Variants in ZCCHC2 observed in about 807,000 individuals in gnomAD.
The protein encoded by ZCCHC2 is zinc finger CCHC domain-containing protein 2.
ZCCHC2 carries 39 observed loss-of-function variants against 103.6 expected under a neutral mutation model. The observed-to-expected ratio is 0.38, with a 90% CI of 0.29 to 0.49. The LOEUF (loss-of-function observed/expected upper bound fraction) is 0.49, where lower values mean the gene tolerates loss of function less well. Among genes scored for constraint, ZCCHC2 ranks in the 20% least tolerant of loss-of-function variants. The probability of loss-of-function intolerance (pLI) is 0.96; values close to 1 mark genes in which losing one functional copy is unlikely to be tolerated. For synonymous variants in ZCCHC2, 687 were observed against 608.9 expected (o/e 1.13, Z -1.89); for missense variants, 1,483 against 1,491.0 (o/e 0.99, Z 0.09).
At chr18:62,553,776 G>T (rs374828249) in intron 5 of ZCCHC2, among the ~76,000 whole-genome samples, 2 of 152,140 alleles carry the variant, frequency 1.3e-5, no homozygotes, top group African/African-American at 4.8e-5. Flanking sequence ...TCCGATTTCA[G>T]TTTGTGTTTG....
chr18:62,541,086 T>G (rs900204446), intron 2 of ZCCHC2, among the ~76,000 whole-genome samples: 2 of 152,256 alleles, frequency 1.3e-5, no homozygotes, highest in African/African-American at 2.4e-5. Context: ...AGAAGATTTT[T>G]GTTGAATGGC....
intron 3 of ZCCHC2, among the ~76,000 whole-genome samples, chr18:62,543,542 G>C (rs988890129): frequency 6.6e-6 from 1 of 152,032 alleles, no homozygotes; most frequent in Non-Finnish European, 1.5e-5. Flanking sequence ...GCTCAGTCAG[G>C]CTGGCCTCTT....
chr18:62,532,461 C>T (rs996320751), intron 1 of ZCCHC2, among the ~76,000 whole-genome samples: 1 of 152,198 alleles, frequency 6.6e-6, no homozygotes, highest in African/African-American at 2.4e-5. Context: ...CCAGATACAC[C>T]TTTCTAAAGC....
At chr18:62,570,550 T>C (rs1916556188) in intron 12 of ZCCHC2, among the ~76,000 whole-genome samples, 1 of 152,258 alleles carries the variant, frequency 6.6e-6, no homozygotes, top group African/African-American at 2.4e-5. Flanking sequence ...GTTTATGCTC[T>C]TTACGTCCTC....
At chr18:62,527,048 A>G (rs899551394) in intron 1 of ZCCHC2, 2 of 110,858 alleles carry the variant, frequency 1.8e-5, no homozygotes, top group African/African-American at 6.9e-5. Context: ...CCTTTTAGAC[A>G]CAAGTATGCA....
Position 62,523,376 on chromosome 18 carries a change from G to GGGGGGGGGGCCCC in ZCCHC2, c.-49_-48insGGGGGGGGGCCCC. ...GCCTCGGCCCGTGCTCCACCTCGCGGCCCCTCCCGCCCGCCCCCGCTCGCA... is the reference window on the plus strand; with the variant it reads ...GCCTCGGCCCGTGCTCCACCTCGCGGGGGGGGGGGCCCCCCCCTCCCGCCCGCCCCCGCTCGCA... On this transcript the variant is annotated 5_prime_UTR_variant, in exon 1 of 14. Coordinates refer to ENST00000269499, the MANE Select transcript of ZCCHC2 (RefSeq NM_017742.6). 10 of 1,012,352 alleles carry GGGGGGGGGGCCCC rather than the reference G, an allele frequency of 9.9e-6. No individual in the cohort carries two copies. Among genetic ancestry groups the GGGGGGGGGGCCCC allele is most frequent in the South Asian group, 3.7e-5 (1 of 27,158 alleles). 62.7% of individuals were successfully genotyped at this position (1,012,352 alleles called of 1,614,324 possible). A position where few individuals can be genotyped will look rare whatever the true frequency, so the allele number is the denominator to read the frequency against.
At chr18:62,545,589 C>T (rs1915376374) in intron 4 of ZCCHC2, among the ~76,000 whole-genome samples, 1 of 151,890 alleles carries the variant, frequency 6.6e-6, no homozygotes, top group African/African-American at 2.4e-5. Context: ...CTGATTTTAT[C>T]GAAAAGTGAA....
chr18:62,532,891 G>A (rs1039336405), intron 1 of ZCCHC2, among the ~76,000 whole-genome samples: 1 of 152,006 alleles, frequency 6.6e-6, no homozygotes, highest in Non-Finnish European at 1.5e-5. Context: ...ACAAAAATTA[G>A]CTGGGCGTAG....
chr18:62,546,331 G>A (rs887653530), intron 4 of ZCCHC2, among the ~76,000 whole-genome samples: 1 of 152,180 alleles, frequency 6.6e-6, no homozygotes, highest in African/African-American at 2.4e-5. Flanking sequence ...CCTGAATGAC[G>A]TTCTAATTAC....
intron 9 of ZCCHC2, 108 bp downstream of exon 9, chr18:62,563,252 TGAAG>T: frequency 7.5e-7 from 1 of 1,332,774 alleles, no homozygotes; most frequent in African/African-American, 1.5e-5. Flanking sequence ...TGGTAAGAAA[TGAAG>T]GAATGTTTAA....
At chr18:62,562,023 G>T (rs1342584330) in intron 8 of ZCCHC2, among the ~76,000 whole-genome samples, 1 of 152,020 alleles carries the variant, frequency 6.6e-6, no homozygotes, top group East Asian at 1.9e-4. Flanking sequence ...TTGAGATGGA[G>T]TCTCGCTCTG....
chr18:62,524,198 ACTG>A lies in ZCCHC2; in HGVS notation c.783_785del (p.Leu262del). 1 of 1,549,604 alleles carries A rather than the reference ACTG, an allele frequency of 6.5e-7. No individual in the cohort carries two copies. The highest frequency in any genetic ancestry group is 8.7e-7 in the Non-Finnish European group (1 of 1,146,558). On this transcript the variant is annotated inframe_deletion, in exon 1 of 14. Transcript: ENST00000269499. ...GGCTTGGCTCCAGGGCCCAGGAGGA[ACTG>A]CTGCTGCTCTTCACCATGGCCTCGC... is the stretch of plus-strand genomic sequence containing the variant.
chr18:62,556,383 CT>C, intron 6 of ZCCHC2, 86 bp downstream of exon 6: 1 of 1,103,416 alleles, frequency 9.1e-7, no homozygotes, highest in Non-Finnish European at 1.3e-6. Context: ...AGGTTTGTCA[CT>C]TTAGTTAAAG....
chr18:62,560,768 TC>T, intron 8 of ZCCHC2, 124 bp downstream of exon 8: 4 of 735,696 alleles, frequency 5.4e-6, no homozygotes, highest in Non-Finnish European at 8.5e-6. Flanking sequence ...TTTTATTTCT[TC>T]ACTTTTTCTG....
chr18:62,525,650 T>C (rs1024550927), intron 1 of ZCCHC2, among the ~76,000 whole-genome samples: 4 of 152,136 alleles, frequency 2.6e-5, no homozygotes, highest in Non-Finnish European at 4.4e-5. Flanking sequence ...CCTGAACCCC[T>C]TTTTTAAAAC....
intron 3 of ZCCHC2, 98 bp downstream of exon 3, chr18:62,542,672 T>C (rs1448667424): frequency 1.9e-6 from 2 of 1,028,528 alleles, no homozygotes; most frequent in Middle Eastern, 4.2e-4. Flanking sequence ...AAAAGGTATA[T>C]ATGTTTGTTT....
At chr18:62,538,440 T>C (rs1228581782) in intron 1 of ZCCHC2, among the ~76,000 whole-genome samples, 33 of 152,180 alleles carry the variant, frequency 2.2e-4, no homozygotes, top group Admixed American at 2.2e-3. Flanking sequence ...TTTACATTTT[T>C]TAATAAAATA....
Position 62,575,119 on chromosome 18 carries a change from G to A in ZCCHC2, c.3038G>A (p.Gly1013Asp), listed in dbSNP as rs1471638151. The change falls in exon 13 of 14, where the codon GGT becomes GAT. Residue 1013 changes from glycine to aspartate, a missense_variant. Around this residue, in one of 3 missense-constraint regions of ZCCHC2, gnomAD observed 884 missense variants for 907.5 expected, o/e 0.97. Coordinates refer to ENST00000269499, the MANE Select transcript of ZCCHC2 (RefSeq NM_017742.6). ...CAGCAGATGGGCTCAGGTCCTTGTG[G>A]TTCTTGTGGGCGAAGGTGCAGCTGT... ...PPQQMGSGPC[G>D]SCGRRCSCGT... 1 of 1,614,032 alleles carries A rather than the reference G, an allele frequency of 6.2e-7. No individual in the cohort carries two copies. The highest frequency in any genetic ancestry group is 1.1e-5 in the South Asian group (1 of 91,076).
downstream of ZCCHC2, among the ~76,000 whole-genome samples, chr18:62,580,226 G>T (rs971101606): frequency 1.3e-5 from 2 of 152,088 alleles, no homozygotes; most frequent in African/African-American, 4.8e-5. Flanking sequence ...TAGTCTCATT[G>T]TGGGGAAGAA....
Sources: allele counts gnomAD v4.1 joint callset (sites outside exome capture counted in the v4.1 genomes callset), GRCh38; gene constraint gnomAD v4.1.1; regional missense constraint gnomAD v4.1.1; transcripts MANE v1.5; gene names NCBI Gene and HGNC (gene_info 2026-07-23, HGNC 2026-07-21).